Variants in DDR2 observed in about 807,000 individuals in gnomAD.
DDR2 encodes the protein discoidin domain receptor tyrosine kinase 2.
In DDR2, 27 loss-of-function variants were observed where a neutral mutation model predicts 94.9. The observed-to-expected ratio is 0.28, with a 90% confidence interval of 0.21 to 0.39. DDR2 has a LOEUF of 0.39. DDR2 is among the 10% of genes least tolerant of loss of function. The pLI, the probability that DDR2 is intolerant of heterozygous loss-of-function variation, is 1.00. For missense variants in DDR2, 783 were observed against 1,076.0 expected, an observed-to-expected ratio of 0.73 and a Z score of 3.81; for synonymous variants, 382 against 377.2, an observed-to-expected ratio of 1.01 and a Z score of -0.15.
intron 2 of DDR2, among the ~76,000 whole-genome samples, chr1:162,677,229 C>G (rs537199179): frequency 1.3e-5 from 2 of 152,200 alleles, no homozygotes; most frequent in South Asian, 2.1e-4. Context: ...CTTTTCCTCC[C>G]TAAGGGTCCG....
chr1:162,735,015 G>C (rs1421537308), intron 3 of DDR2, among the ~76,000 whole-genome samples: 1 of 152,164 alleles, frequency 6.6e-6, no homozygotes, highest in African/African-American at 2.4e-5. Context: ...ATAGAGGAGA[G>C]AAACAGCTGG....
Position 162,776,469 on chromosome 1 carries a change from A to G in DDR2, c.2283+99A>G, listed in dbSNP as rs1447666627. 3.9e-6 allele frequency: 4 copies of G among 1,026,650 alleles called. No individual in the cohort carries two copies. The African/African-American group carries it at 4.8e-5, about 12-fold the overall frequency. The allele number at this position is 1,026,650 out of a possible 1,614,324, so 63.6% of individuals were successfully genotyped here. A position where few individuals can be genotyped will look rare whatever the true frequency, so the allele number is the denominator to read the frequency against. On this transcript the variant is annotated intron_variant, in intron 16 of 17. Transcript: ENST00000367921. Reference sequence around the variant, plus strand: ...ACCTGAGACAGCAGGAGGCAAACTCAATAGACTGTAGTATTTTCTCTGATT... The same window carrying G: ...ACCTGAGACAGCAGGAGGCAAACTCGATAGACTGTAGTATTTTCTCTGATT...
At chr1:162,633,697 G>A (rs569265420) in intron 1 of DDR2, among the ~76,000 whole-genome samples, 1 of 152,348 alleles carries the variant, frequency 6.6e-6, no homozygotes, top group South Asian at 2.1e-4. Context: ...TGATGAGCAA[G>A]TCACCACAAG....
At position 162,743,282 on chromosome 1, in the gene DDR2, T is replaced by G. The variant is rs117331122; in HGVS notation, c.83-9813T>G. ...TTCTTCATGGTTGTAGTGGATATCCTCCTTCTTCAAGCCCATGATGTTCCT... is the reference window on the plus strand; with the variant it reads ...TTCTTCATGGTTGTAGTGGATATCCGCCTTCTTCAAGCCCATGATGTTCCT... On this transcript the variant is annotated intron_variant, in intron 3 of 17. Coordinates refer to ENST00000367921, the MANE Select transcript of DDR2 (RefSeq NM_006182.4). 3.5e-3 allele frequency among the ~76,000 whole-genome samples: 535 copies of G among 152,148 alleles called. 7 individuals carry two copies. Among genetic ancestry groups the G allele is most frequent in the East Asian group, 0.035 (179 of 5,158 alleles).
intron 2 of DDR2, among the ~76,000 whole-genome samples, chr1:162,667,517 A>G (rs1285293941): frequency 6.6e-6 from 1 of 152,332 alleles, no homozygotes; most frequent in East Asian, 1.9e-4. Flanking sequence ...GGGAGCAGGC[A>G]GTCACACTAA....
intron 1 of DDR2, among the ~76,000 whole-genome samples, chr1:162,650,040 T>C (rs1442451087): frequency 6.6e-6 from 1 of 152,178 alleles, no homozygotes; most frequent in East Asian, 1.9e-4. Context: ...ACCCACCCCA[T>C]GCAGATGAGC....
chr1:162,634,373 G>A (rs1656712277), intron 1 of DDR2, among the ~76,000 whole-genome samples: 1 of 152,228 alleles, frequency 6.6e-6, no homozygotes, highest in Admixed American at 6.5e-5. Flanking sequence ...AACAATTGCA[G>A]TACCTTTCAG....
chr1:162,701,773 AT>A (rs1163265287), intron 2 of DDR2, among the ~76,000 whole-genome samples: 1 of 152,128 alleles, frequency 6.6e-6, no homozygotes, highest in African/African-American at 2.4e-5. Flanking sequence ...GTTCCCTCTT[AT>A]TTTTGATGAA....
intron 3 of DDR2, 90 bp from the exon 4 acceptor site, chr1:162,753,005 G>T: frequency 1.8e-6 from 2 of 1,128,894 alleles, no homozygotes; most frequent in Non-Finnish European, 2.7e-6. Context: ...CTTATTCCTT[G>T]TTCAATATTC....
chr1:162,731,880 T>G (rs1460704502), intron 3 of DDR2, among the ~76,000 whole-genome samples: 2 of 152,188 alleles, frequency 1.3e-5, no homozygotes, highest in African/African-American at 4.8e-5. Flanking sequence ...AATATAAACT[T>G]TCCATGATTC....
chr1:162,655,024 C>G (rs1657886951), intron 1 of DDR2, among the ~76,000 whole-genome samples, 187 bp from the exon 2 acceptor site: 1 of 151,972 alleles, frequency 6.6e-6, no homozygotes, highest in Non-Finnish European at 1.5e-5. Context: ...AATTTCTTAA[C>G]TGGGCAAGTA....
intron 2 of DDR2, among the ~76,000 whole-genome samples, chr1:162,685,778 C>A (rs749261175): frequency 1.3e-5 from 2 of 152,052 alleles, no homozygotes; most frequent in Non-Finnish European, 2.9e-5. Flanking sequence ...ACCTATTTAA[C>A]CCTTGCAGCA....
rs571249019 is a variant in DDR2 at position 162,787,173 on chromosome 1, C to T, written c.*6927C>T. Reference sequence around the variant, plus strand: ...AGCATGGGGTATGGTAGATAAATCACAGGGCCAAGGTTTGGCAGGGATAGA... The same window carrying T: ...AGCATGGGGTATGGTAGATAAATCATAGGGCCAAGGTTTGGCAGGGATAGA... On this transcript the variant is annotated 3_prime_UTR_variant, in exon 18 of 18. Transcript: ENST00000367921. The T allele has an allele frequency of 4.6e-5, 7 of 152,224 alleles. No individual in the cohort carries two copies. Among genetic ancestry groups the T allele is most frequent in the African/African-American group, 1.7e-4 (7 of 41,534 alleles). The allele number at this position is 152,224 out of a possible 1,614,324, so 9.4% of individuals were successfully genotyped here.
chr1:162,709,610 C>A (rs979720772), intron 2 of DDR2, among the ~76,000 whole-genome samples: 2 of 152,216 alleles, frequency 1.3e-5, no homozygotes, highest in Non-Finnish European at 2.9e-5. Flanking sequence ...TGACCACAGT[C>A]CCTCAGGCTG....
At chr1:162,740,951 G>C (rs1446770736) in intron 3 of DDR2, among the ~76,000 whole-genome samples, 2 of 151,956 alleles carry the variant, frequency 1.3e-5, no homozygotes, top group African/African-American at 4.8e-5. Flanking sequence ...CACACGGCTT[G>C]CACCAGGCCA....
At chr1:162,689,867 A>AAAT (rs71093200) in intron 2 of DDR2, among the ~76,000 whole-genome samples, 1 of 146,294 alleles carries the variant, frequency 6.8e-6, no homozygotes, top group African/African-American at 2.5e-5. Flanking sequence ...AAAAAAAAAA[A>AAAT]TAGCCAGGTG....
At chr1:162,778,803 G>T (rs893983401) in intron 17 of DDR2, 74 bp downstream of exon 17, 18 of 1,590,890 alleles carry the variant, frequency 1.1e-5, no homozygotes, top group Non-Finnish European at 1.3e-5. Flanking sequence ...TCCTGCCTTA[G>T]CAGGAGTGGG....
At chr1:162,751,844 G>A (rs905070327) in intron 3 of DDR2, among the ~76,000 whole-genome samples, 16 of 152,212 alleles carry the variant, frequency 1.1e-4, no homozygotes, top group Admixed American at 5.9e-4. Context: ...CTTGTCCTTT[G>A]TAGGGACATG....
intron 2 of DDR2, among the ~76,000 whole-genome samples, chr1:162,658,508 A>G (rs1282263733): frequency 1.3e-5 from 2 of 152,006 alleles, no homozygotes; most frequent in Non-Finnish European, 2.9e-5. Context: ...TCCACCAGAG[A>G]GAGAGAGAGC....
Sources: gnomAD v4.1 joint callset for allele counts (sites outside exome capture counted in the v4.1 genomes callset) on GRCh38, gnomAD v4.1.1 for gene constraint, MANE v1.5 for transcripts, NCBI Gene and HGNC (gene_info 2026-07-23, HGNC 2026-07-21) for gene names.